Variants in FAM227A observed in about 807,000 individuals in gnomAD.
FAM227A encodes the protein protein FAM227A.
In FAM227A, 80 loss-of-function variants were observed where a neutral mutation model predicts 74.7. That is an observed-to-expected ratio of 1.07 (90% CI 0.89 to 1.29). The LOEUF (loss-of-function observed/expected upper bound fraction) is 1.29, where lower values mean the gene tolerates loss of function less well. Ranked by LOEUF, FAM227A falls within the 50% of genes most tolerant of loss-of-function variation. The pLI is 0.00. For synonymous variants in FAM227A, 237 were observed against 241.8 expected (o/e 0.98, Z 0.19); for missense variants, 654 against 683.4 (o/e 0.96, Z 0.48).
intron 10 of FAM227A, among the ~76,000 whole-genome samples, chr22:38,620,683 C>T (rs559016065): frequency 2.9e-4 from 44 of 151,776 alleles, no homozygotes; most frequent in Non-Finnish European, 5.0e-4. Flanking sequence ...GTGGCGCGCG[C>T]CTGTAGTCCC....
intron 6 of FAM227A, among the ~76,000 whole-genome samples, chr22:38,635,228 CAAAAAAAAA>C (rs34498896): frequency 1.5e-5 from 1 of 67,412 alleles, no homozygotes; most frequent in East Asian, 3.9e-4. Flanking sequence ...GACTCTGTCT[CAAAAAAAAA>C]AAAAAAAAAA....
intron 2 of FAM227A, among the ~76,000 whole-genome samples, chr22:38,646,181 A>G (rs1056648897): frequency 2.6e-5 from 4 of 151,952 alleles, no homozygotes; most frequent in Admixed American, 6.6e-5. Context: ...AAAGTGAAAA[A>G]GAGCCATCCA....
Position 38,628,887 on chromosome 22 carries a change from GAGAAGA to G in FAM227A, c.562_567del (p.Ser188_Ser189del). On this transcript the variant is annotated inframe_deletion, in exon 7 of 17. Coordinates refer to ENST00000535113, the MANE Select transcript of FAM227A (RefSeq NM_001013647.2). ...AAGCTATCCAGCCAGATGGCTCTTG[GAGAAGA>G]AGAAGAGAGAAACTTCTCTAATTCT... is the stretch of plus-strand genomic sequence containing the variant. 6.5e-7 allele frequency: 1 copy of G among 1,546,766 alleles called. No homozygotes were observed. Among genetic ancestry groups the G allele is most frequent in the African/African-American group, 1.4e-5 (1 of 72,826 alleles).
chr22:38,594,012 G>A (rs1382551309), intron 15 of FAM227A, among the ~76,000 whole-genome samples: 1 of 151,982 alleles, frequency 6.6e-6, no homozygotes, highest in East Asian at 1.9e-4. Flanking sequence ...TGTTTAAATA[G>A]CCCCTGTTAC....
chr22:38,590,047 G>T (rs2146134782), intron 16 of FAM227A, among the ~76,000 whole-genome samples: 1 of 151,838 alleles, frequency 6.6e-6, no homozygotes, highest in African/African-American at 2.4e-5. Context: ...AAGAGTTTGA[G>T]ACTAGCCTGG....
intron 16 of FAM227A, chr22:38,591,213 A>G (rs2090926299): frequency 1.3e-6 from 1 of 790,882 alleles, no homozygotes. Flanking sequence ...GGTCCCAGCT[A>G]CTCAGGAGGC....
intron 8 of FAM227A, among the ~76,000 whole-genome samples, chr22:38,627,615 GT>G (rs2091836290): frequency 1.3e-5 from 2 of 150,680 alleles, no homozygotes; most frequent in South Asian, 2.1e-4. Context: ...TTGTTTGTTT[GT>G]TTTTTTGAGG....
At chr22:38,588,914 C>A (rs1163836018) in intron 16 of FAM227A, among the ~76,000 whole-genome samples, 6 of 122,480 alleles carry the variant, frequency 4.9e-5, no homozygotes, top group Non-Finnish European at 6.6e-5. Flanking sequence ...GGCGATAGAG[C>A]AAGACTCCAT....
At chr22:38,597,782 C>T (rs1023425943) in intron 14 of FAM227A, among the ~76,000 whole-genome samples, 18 of 152,156 alleles carry the variant, frequency 1.2e-4, no homozygotes, top group African/African-American at 3.9e-4. Context: ...TGGCCAGGCG[C>T]GGTGTAATCC....
chr22:38,620,328 T>C (rs1389855507), intron 10 of FAM227A, 37 bp from the exon 11 acceptor site: 1 of 1,465,912 alleles, frequency 6.8e-7, no homozygotes, highest in Non-Finnish European at 9.3e-7. Context: ...ATTCCTCTTG[T>C]CATGGGACAA....
At chr22:38,638,699 G>C (rs1191177876) in intron 5 of FAM227A, 47 bp downstream of exon 5, 3 of 1,331,364 alleles carry the variant, frequency 2.3e-6, no homozygotes, top group Admixed American at 4.0e-5. Context: ...TTTATTTCAT[G>C]CCTAGCAGAA....
intron 15 of FAM227A, among the ~76,000 whole-genome samples, chr22:38,596,340 ATAAT>A: frequency 6.6e-6 from 1 of 152,270 alleles, no homozygotes; most frequent in African/African-American, 2.4e-5. Flanking sequence ...AAAACAAAAT[ATAAT>A]TTGTGATTCT....
At chr22:38,607,708 T>C (rs1440075796) in intron 11 of FAM227A, among the ~76,000 whole-genome samples, 4 of 152,060 alleles carry the variant, frequency 2.6e-5, no homozygotes, top group Admixed American at 6.6e-5. Context: ...GCAACCAGGG[T>C]TCCAGTCCCA....
chr22:38,649,959 G>A (rs1284297493), intron 2 of FAM227A, 68 bp downstream of exon 2: 2 of 1,420,388 alleles, frequency 1.4e-6, no homozygotes, highest in Admixed American at 4.0e-5. Flanking sequence ...GCACTGATTA[G>A]ATCTCTGTGG....
At chr22:38,614,510 T>C (rs531946104) in intron 11 of FAM227A, among the ~76,000 whole-genome samples, 2 of 152,288 alleles carry the variant, frequency 1.3e-5, no homozygotes, top group East Asian at 3.9e-4. Flanking sequence ...CCCTGAATTG[T>C]GGACTCTCAG....
intron 2 of FAM227A, 39 bp from the exon 3 acceptor site, chr22:38,645,684 T>C (rs2092222979): frequency 1.5e-6 from 2 of 1,326,014 alleles, no homozygotes; most frequent in Admixed American, 2.0e-5. Context: ...AGGGTGATGA[T>C]TACACACACA....
intron 1 of FAM227A, among the ~76,000 whole-genome samples, chr22:38,652,002 C>T (rs1294532371): frequency 2.7e-5 from 4 of 149,634 alleles, no homozygotes; most frequent in South Asian, 4.3e-4. Context: ...GCCTGGCCAA[C>T]GTGGTGAAAC....
intron 11 of FAM227A, 24 bp downstream of exon 11, chr22:38,620,188 C>G (rs761874798): frequency 9.8e-6 from 15 of 1,533,144 alleles, no homozygotes; most frequent in Non-Finnish European, 1.3e-5. Flanking sequence ...CCAAAGGGGT[C>G]CTGGTCCGTG....
In FAM227A at chr22:38,645,597, A is replaced by T; in HGVS notation, c.191T>A (p.Ile64Lys). The T allele has an allele frequency of 6.4e-7, 1 of 1,551,368 alleles. No individual in the cohort carries two copies. Among genetic ancestry groups the T allele is most frequent in the Middle Eastern group, 1.7e-4 (1 of 5,990 alleles). ...GGCCGACGGCTCGGTACGCAGATTT[A>T]TGTCAGCAATCTTTTGGTTCACCTG... is the stretch of plus-strand genomic sequence containing the variant. Reference protein sequence around the residue: ...MHQVNQKIADINLRTEPSANS... With the variant: ...MHQVNQKIADKNLRTEPSANS... The change falls in exon 3 of 17, where the codon ATA becomes AAA. Residue 64 changes from isoleucine (I) to lysine (K), a missense_variant. Transcript: ENST00000535113.
Sources: allele counts gnomAD v4.1 joint callset (sites outside exome capture counted in the v4.1 genomes callset), GRCh38; gene constraint gnomAD v4.1.1; transcripts MANE v1.5; gene names NCBI Gene and HGNC (gene_info 2026-07-23, HGNC 2026-07-21).